DNAH9: variants seen among roughly 807,000 people sequenced by gnomAD.
The protein encoded by DNAH9 is DNAH9 variant protein.
In DNAH9, 345 loss-of-function variants were observed where a neutral mutation model predicts 471.6. The observed-to-expected ratio is 0.73, with a 90% confidence interval of 0.67 to 0.80. DNAH9 has a LOEUF of 0.80. Among genes scored for constraint, DNAH9 ranks in the 30% least tolerant of loss-of-function variants. The pLI is 0.00. For missense variants in DNAH9, 5,407 were observed against 5,609.2 expected, an observed-to-expected ratio of 0.96 and a Z score of 1.15; for synonymous variants, 2,093 against 2,123.6, an observed-to-expected ratio of 0.99 and a Z score of 0.40.
intron 43 of DNAH9, among the ~76,000 whole-genome samples, chr17:11,802,427 G>C (rs573294106): frequency 6.6e-6 from 1 of 151,998 alleles, no homozygotes; most frequent in Non-Finnish European, 1.5e-5. Flanking sequence ...TCAGGAGTTC[G>C]AGACTAGCCT....
At chr17:11,959,744 G>A (rs1373021821) in intron 67 of DNAH9, among the ~76,000 whole-genome samples, 1 of 152,170 alleles carries the variant, frequency 6.6e-6, no homozygotes, top group Non-Finnish European at 1.5e-5. Flanking sequence ...CCTTGATGTG[G>A]CCTCAGATTC....
intron 59 of DNAH9, 127 bp downstream of exon 59, chr17:11,894,623 G>T (rs561803972): frequency 2.4e-6 from 3 of 1,267,484 alleles, no homozygotes; most frequent in Non-Finnish European, 3.2e-6. Flanking sequence ...AAACATAGGC[G>T]CATCCCTTTC....
In DNAH9 at chr17:11,875,094, C is replaced by T. The variant is rs1425874962; in HGVS notation, c.10388C>T (p.Pro3463Leu). The T allele has an allele frequency of 6.2e-7, 1 of 1,614,004 alleles. No individual in the cohort carries two copies. The highest frequency in any genetic ancestry group is 8.5e-7 in the Non-Finnish European group (1 of 1,180,040). The change falls in exon 53 of 69, where the codon CCA becomes CTA. Residue 3463 changes from proline (P) to leucine (L), a missense_variant. Coordinates refer to ENST00000262442, the MANE Select transcript of DNAH9 (RefSeq NM_001372.4). ...ATILINCERW[P>L]LMVDPQLQGI... ...ATTCTCATCAACTGTGAGCGCTGGC[C>T]ACTCATGGTTGACCCTCAGCTACAA...
At chr17:11,729,153 G>C (rs1196579763) in intron 28 of DNAH9, among the ~76,000 whole-genome samples, 1 of 152,150 alleles carries the variant, frequency 6.6e-6, no homozygotes, top group Non-Finnish European at 1.5e-5. Context: ...TAGGAAAACT[G>C]GTGGCTGAGG....
chr17:11,823,372 C>T (rs1395957064), intron 48 of DNAH9, among the ~76,000 whole-genome samples: 1 of 152,108 alleles, frequency 6.6e-6, no homozygotes, highest in Admixed American at 6.6e-5. Context: ...ATGCTGGAAT[C>T]CCCTGAAGCA....
intron 32 of DNAH9, among the ~76,000 whole-genome samples, chr17:11,748,256 G>A (rs527957077): frequency 6.6e-6 from 1 of 152,186 alleles, no homozygotes; most frequent in East Asian, 1.9e-4. Context: ...GAACCCGGGT[G>A]GTGGAGGTTG....
Position 11,942,392 on chromosome 17 carries a change from T to C in DNAH9, c.12750T>C (p.Pro4250=), listed in dbSNP as rs756453780. The C allele has an allele frequency of 1.2e-6, 2 of 1,614,184 alleles. No homozygotes were observed. The highest frequency in any genetic ancestry group is 1.1e-5 in the South Asian group (1 of 91,084). The stretch of plus-strand genomic sequence containing the variant: ...TGGCCAAAGTGGAGGAGCGCACCCC[T>C]TACATTGTAGTTGCCTTCCAGGAGT... ...ELMAKVEERT[P]YIVVAFQECG... is the part of the protein sequence containing the mutation. The change falls in exon 67 of 69, where the codon CCT becomes CCC. Residue 4250 remains proline, a synonymous_variant. Coordinates refer to ENST00000262442, the MANE Select transcript of DNAH9 (RefSeq NM_001372.4).
intron 28 of DNAH9, among the ~76,000 whole-genome samples, chr17:11,730,417 G>T (rs1462113017): frequency 1.3e-5 from 2 of 152,138 alleles, no homozygotes; most frequent in Non-Finnish European, 2.9e-5. Context: ...AGTGTTGCCA[G>T]ATCTTTTACG....
chr17:11,619,599 A>G lies in DNAH9; in HGVS notation c.1168A>G (p.Ser390Gly), dbSNP rs1370385137. 6.2e-7 allele frequency: 1 copy of G among 1,614,158 alleles called. No homozygotes were observed. Among genetic ancestry groups the G allele is most frequent in the African/African-American group, 1.3e-5 (1 of 75,066 alleles). ...CCTGCTGAGAAGTGAGGTAGAAGAA[A>G]GTCAGAGAAAACTGCAAGTGGTCTC... is the stretch of plus-strand genomic sequence containing the variant. ...EDLLRSEVEE[S>G]QRKLQVVSDT... Residue 390 changes from serine to glycine, a missense_variant, in exon 6 of 69, where the codon AGT becomes GGT. Physicochemically the swap from Ser to Gly is moderately conservative, Grantham distance 56. Transcript: ENST00000262442.
At chr17:11,606,290 TATTTCCTTTTG>T in intron 1 of DNAH9, among the ~76,000 whole-genome samples, 2 of 152,188 alleles carry the variant, frequency 1.3e-5, no homozygotes, top group South Asian at 4.1e-4. Context: ...TATGAGTTCA[TATTTCCTTTTG>T]ATTATTTATA....
At chr17:11,793,787 A>G in intron 42 of DNAH9, 123 bp downstream of exon 42, 4 of 819,048 alleles carry the variant, frequency 4.9e-6, no homozygotes, top group Non-Finnish European at 7.4e-6. Context: ...GTGAGGAAGG[A>G]AATTCTGTCA....
rs1032761843 is a variant in DNAH9, at chr17:11,905,838, G to A, written c.11749+29G>A. The A allele has an allele frequency of 2.0e-5, 32 of 1,583,230 alleles. No individual in the cohort carries two copies. In the Admixed American group the frequency reaches 5.4e-4, roughly 27 times the overall value. ...AGAAAGGCGTCCTCTTGGAGCCAGG[G>A]CTGCATTTGCCCCATGCACTTTCAT... is the stretch of plus-strand genomic sequence containing the variant. On this transcript the variant is annotated intron_variant, in intron 61 of 68. Transcript: ENST00000262442.
intron 53 of DNAH9, chr17:11,875,599 A>T (rs1972444431): frequency 6.2e-6 from 1 of 161,738 alleles, no homozygotes. Flanking sequence ...CTAGAGCCAC[A>T]TACAAAGAAC....
At chr17:11,919,020 A>G (rs1291786407) in intron 61 of DNAH9, among the ~76,000 whole-genome samples, 1 of 152,130 alleles carries the variant, frequency 6.6e-6, no homozygotes, top group Non-Finnish European at 1.5e-5. Context: ...TTAAAAAGAT[A>G]CAAAAAGAGA....
chr17:11,694,324 G>T lies in DNAH9; in HGVS notation c.4749G>T (p.Leu1583Phe), dbSNP rs377027573. 5.6e-6 allele frequency: 9 copies of T among 1,613,800 alleles called. No homozygotes were observed. Among genetic ancestry groups the T allele is most frequent in the Admixed American group, 1.7e-5 (1 of 59,988 alleles). The change falls in exon 22 of 69, where the codon TTG becomes TTT. Residue 1583 changes from leucine (L) to phenylalanine (F), a missense_variant. By Grantham distance (22) the Leu-to-Phe change is conservative. Around this residue, in one of 3 missense-constraint regions of DNAH9, gnomAD observed 4,636 missense variants for 4,900.3 expected, o/e 0.95. Coordinates refer to ENST00000262442, the MANE Select transcript of DNAH9 (RefSeq NM_001372.4). Reference protein sequence around the residue: ...YEKLEDIQGRLCLCEKALAEY... With the variant: ...YEKLEDIQGRFCLCEKALAEY... ...ATTCTATGTTCTGTGCCCTCAGATT[G>T]TGCCTGTGTGAGAAGGCCCTGGCAG...
chr17:11,762,218 G>T (rs563553044), intron 35 of DNAH9, among the ~76,000 whole-genome samples: 3 of 152,320 alleles, frequency 2.0e-5, no homozygotes, highest in African/African-American at 7.2e-5. Flanking sequence ...GTGCTGTGCA[G>T]CTCTCAGGTT....
chr17:11,961,369 C>T (rs1297489077), intron 67 of DNAH9, among the ~76,000 whole-genome samples: 1 of 152,150 alleles, frequency 6.6e-6, no homozygotes, highest in South Asian at 2.1e-4. Context: ...TTTACAAATC[C>T]TATCTAGCTG....
intron 67 of DNAH9, among the ~76,000 whole-genome samples, chr17:11,943,618 A>G (rs937541000): frequency 1.3e-5 from 2 of 152,158 alleles, no homozygotes; most frequent in Non-Finnish European, 2.9e-5. Flanking sequence ...CGGAGCTTGC[A>G]GTGAGCCGAG....
intron 43 of DNAH9, among the ~76,000 whole-genome samples, chr17:11,804,582 A>T (rs1297933061): frequency 6.6e-6 from 1 of 152,250 alleles, no homozygotes; most frequent in African/African-American, 2.4e-5. Flanking sequence ...TTCCACCATT[A>T]AATTGGCAAA....
Sources: allele counts gnomAD v4.1 joint callset (sites outside exome capture counted in the v4.1 genomes callset), GRCh38; gene constraint gnomAD v4.1.1; regional missense constraint gnomAD v4.1.1; transcripts MANE v1.5; gene names NCBI Gene and HGNC (gene_info 2026-07-23, HGNC 2026-07-21).